The following ZGPAT variants were observed in gnomAD, a reference collection of about 807,000 sequenced individuals.
ZGPAT encodes zinc finger CCCH-type with G patch domain-containing protein.
In ZGPAT, 39 loss-of-function variants were observed where a neutral mutation model predicts 47.9. That is an observed-to-expected ratio of 0.81 (90% confidence interval 0.63 to 1.06). The LOEUF (loss-of-function observed/expected upper bound fraction) is 1.06, where lower values mean the gene tolerates loss of function less well. ZGPAT is among the 50% of genes least tolerant of loss of function. The pLI is 0.00. For synonymous variants in ZGPAT, 348 were observed against 292.9 expected (o/e 1.19, Z -1.92); for missense variants, 717 against 681.4 (o/e 1.05, Z -0.58).
intron 2 of ZGPAT, among the ~76,000 whole-genome samples, chr20:63,712,996 A>G (rs1175096212): frequency 1.3e-5 from 2 of 152,096 alleles, no homozygotes; most frequent in African/African-American, 4.8e-5. Flanking sequence ...TTTCAACAGT[A>G]TTTTGTACTG....
Position 63,736,141 on chromosome 20 carries a change from C to A in ZGPAT, c.*222C>A, listed in dbSNP as rs1442447295. Reference sequence around the variant, plus strand: ...CATTAAAGTGATTTCATCACAGTGTCATTCAGTGGAGATCAGCTGGCTGCA... The same window carrying A: ...CATTAAAGTGATTTCATCACAGTGTAATTCAGTGGAGATCAGCTGGCTGCA... On this transcript the variant is annotated 3_prime_UTR_variant, in exon 7 of 7. Coordinates refer to ENST00000355969, the MANE Select transcript of ZGPAT (RefSeq NM_181485.3). 4.7e-6 allele frequency: 3 copies of A among 631,974 alleles called. No individual in the cohort carries two copies. In the African/African-American group the frequency reaches 5.6e-5, roughly 12 times the overall value. The allele number at this position is 631,974 out of a possible 1,614,324, so 39.1% of individuals were successfully genotyped here. A position where few individuals can be genotyped will look rare whatever the true frequency, so the allele number is the denominator to read the frequency against.
At chr20:63,732,321 ATG>A (rs746870921) in intron 2 of ZGPAT, among the ~76,000 whole-genome samples, 251 of 45,254 alleles carry the variant, frequency 5.5e-3, no homozygotes, top group Non-Finnish European at 9.0e-3. Context: ...GTGAGGGGGC[ATG>A]TGTGTGCACG....
intron 2 of ZGPAT, among the ~76,000 whole-genome samples, chr20:63,723,245 C>T (rs2091807680): frequency 6.8e-6 from 1 of 146,646 alleles, no homozygotes; most frequent in Non-Finnish European, 1.5e-5. Context: ...CCTCCCTTCT[C>T]CTCTGACACA....
chr20:63,732,466 CATGTGTGTGGGTGAGGGCGT>C (rs558918293), intron 2 of ZGPAT, among the ~76,000 whole-genome samples: 135 of 88,846 alleles, frequency 1.5e-3, no homozygotes, highest in African/African-American at 6.0e-3. Context: ...CTTGTGTGCG[CATGTGTGTGGGTGAGGGCGT>C]ATGTGTGTGG....
In ZGPAT at chr20:63,735,333, C is replaced by T. The variant is rs1342084279; in HGVS notation, c.1166C>T (p.Pro389Leu). The T allele has an allele frequency of 6.4e-7, 1 of 1,560,900 alleles. No homozygotes were observed. ...AGAGGGGCCAGGCCTGGGGGCCGCC[C>T]AGCTCCTCGGAATGTGTTTGACTTC... ...RGRGARPGGR[P>L]APRNVFDFLN... The change falls in exon 6 of 7, where the codon CCA becomes CTA. Residue 389 changes from proline to leucine, a missense_variant. By Grantham distance (98) the Pro-to-Leu change is moderately conservative. Transcript: ENST00000355969.
At chr20:63,717,396 C>G (rs1200452863) in intron 2 of ZGPAT, among the ~76,000 whole-genome samples, 2 of 125,460 alleles carry the variant, frequency 1.6e-5, no homozygotes, top group Non-Finnish European at 3.2e-5. Flanking sequence ...GTCACCCAGA[C>G]TGGAGTGCAG....
chr20:63,732,782 GTA>G (rs1319911710), intron 2 of ZGPAT, among the ~76,000 whole-genome samples: 1 of 151,452 alleles, frequency 6.6e-6, no homozygotes, highest in African/African-American at 2.4e-5. Context: ...ATGCGTGTGT[GTA>G]TGCATGTGAG....
intron 2 of ZGPAT, among the ~76,000 whole-genome samples, chr20:63,710,689 T>G (rs1252689613): frequency 6.6e-6 from 1 of 152,216 alleles, no homozygotes; most frequent in Non-Finnish European, 1.5e-5. Context: ...CAATTATGAA[T>G]ACTTCATAGT....
intron 2 of ZGPAT, among the ~76,000 whole-genome samples, chr20:63,711,144 C>T (rs761302060): frequency 5.3e-5 from 8 of 152,244 alleles, no homozygotes; most frequent in Non-Finnish European, 1.0e-4. Context: ...ATCCTCCCAC[C>T]TCAGCCTCCC....
chr20:63,722,027 A>G (rs2091793774), intron 2 of ZGPAT, among the ~76,000 whole-genome samples: 1 of 151,878 alleles, frequency 6.6e-6, no homozygotes, highest in Non-Finnish European at 1.5e-5. Flanking sequence ...AAAAAAAAAA[A>G]AAAAAAATGC....
At chr20:63,732,485 G>T (rs539428117) in intron 2 of ZGPAT, among the ~76,000 whole-genome samples, 4 of 146,004 alleles carry the variant, frequency 2.7e-5, no homozygotes, top group Non-Finnish European at 6.0e-5. Context: ...GGGTGAGGGC[G>T]TATGTGTGTG....
intron 2 of ZGPAT, among the ~76,000 whole-genome samples, chr20:63,727,054 A>G (rs1057440849): frequency 6.6e-6 from 1 of 152,090 alleles, no homozygotes; most frequent in Non-Finnish European, 1.5e-5. Context: ...GGTGGTGTAC[A>G]TTCTATGGAC....
intron 2 of ZGPAT, among the ~76,000 whole-genome samples, chr20:63,719,021 A>G (rs972111853): frequency 1.2e-4 from 18 of 150,948 alleles, no homozygotes; most frequent in Admixed American, 9.9e-4. Context: ...AGCTGAGATC[A>G]CACCACTGTA....
At chr20:63,711,023 T>G (rs1251393841) in intron 2 of ZGPAT, among the ~76,000 whole-genome samples, 2 of 148,968 alleles carry the variant, frequency 1.3e-5, no homozygotes, top group Non-Finnish European at 3.0e-5. Flanking sequence ...TCTTTGAATG[T>G]CTTCCTTTTT....
chr20:63,723,563 A>G (rs1488813155), intron 2 of ZGPAT, among the ~76,000 whole-genome samples: 1 of 113,584 alleles, frequency 8.8e-6, no homozygotes, highest in Non-Finnish European at 1.8e-5. Context: ...CCTCTGACAT[A>G]GCTCCATCCT....
chr20:63,729,068 G>A (rs949235090), intron 2 of ZGPAT, among the ~76,000 whole-genome samples: 6 of 142,088 alleles, frequency 4.2e-5, no homozygotes, highest in East Asian at 2.0e-4. Context: ...GTCTCACTTC[G>A]TCACCCAGGC....
chr20:63,708,810 C>G lies in ZGPAT; in HGVS notation c.230C>G (p.Ala77Gly). The part of the protein sequence containing the change: ...DEERPGRQED[A>G]EYQAFREAIT... ...GAGCGCCCGGGCCGCCAGGAAGATG[C>G]TGAGTACCAGGCTTTCCGGGAGGCC... is the stretch of plus-strand genomic sequence containing the variant. Residue 77 changes from alanine (A) to glycine (G), a missense_variant, in exon 2 of 7, where the codon GCT (alanine) becomes GGT (glycine). Physicochemically the swap from Ala to Gly is moderately conservative, Grantham distance 60. Coordinates refer to ENST00000355969, the MANE Select transcript of ZGPAT (RefSeq NM_181485.3). The G allele has an allele frequency of 1.2e-6, 2 of 1,605,276 alleles. No individual in the cohort carries two copies. The highest frequency in any genetic ancestry group is 1.1e-5 in the South Asian group (1 of 90,554).
intron 2 of ZGPAT, 124 bp downstream of exon 2, chr20:63,709,288 T>G: frequency 2.9e-6 from 3 of 1,036,630 alleles, no homozygotes; most frequent in Non-Finnish European, 4.3e-6. Context: ...CAGGCGTGCT[T>G]TGACAGCTGT....
rs150910163 is a variant in ZGPAT, at chr20:63,722,858, T to A, written c.585-10361T>A. Among the ~76,000 whole-genome samples the A allele has an allele frequency of 1.2e-4, 19 of 152,294 alleles. No homozygotes were observed. The Middle Eastern group carries it at 0.01, about 82-fold the overall frequency. ...GTTGGTCAGGCTGGTCTCGAACTGC[T>A]GACCTCAGGTGATCCGCCCATCTTG... On this transcript the variant is annotated intron_variant, in intron 2 of 6. Transcript: ENST00000355969.
Sources: allele counts gnomAD v4.1 joint callset (sites outside exome capture counted in the v4.1 genomes callset), GRCh38; gene constraint gnomAD v4.1.1; transcripts MANE v1.5; gene names NCBI Gene and HGNC (gene_info 2026-07-23, HGNC 2026-07-21).